The following MAVS variants were observed in gnomAD, a reference collection of about 807,000 sequenced individuals.
The protein encoded by MAVS is mitochondrial antiviral-signaling protein.
Under a neutral mutation model 30.2 loss-of-function variants are expected in MAVS, and 20 were observed. The ratio of observed to expected loss-of-function variants is 0.66; its 90% confidence interval spans 0.47 to 0.96. The LOEUF (loss-of-function observed/expected upper bound fraction) is 0.96. MAVS is among the 40% of genes least tolerant of loss of function. MAVS has a pLI of 0.00. For missense variants in MAVS, 624 were observed against 701.1 expected, an observed-to-expected ratio of 0.89 and a Z score of 1.24; for synonymous variants, 278 against 293.9, an observed-to-expected ratio of 0.95 and a Z score of 0.55.
At chr20:3,858,735 C>G (rs974591150) in intron 3 of MAVS, among the ~76,000 whole-genome samples, 1 of 150,422 alleles carries the variant, frequency 6.6e-6, no homozygotes, top group African/African-American at 2.4e-5. Flanking sequence ...CTAGAGGTAA[C>G]CCCCGAGACC....
chr20:3,856,567 G>A lies in MAVS; in HGVS notation c.118-1068G>A, dbSNP rs538674636. 2.0e-5 allele frequency among the ~76,000 whole-genome samples: 3 copies of A among 151,688 alleles called. No homozygotes were observed. In the East Asian group the frequency reaches 5.9e-4, roughly 30 times the overall value. On this transcript the variant is annotated intron_variant, in intron 2 of 6. Transcript: ENST00000428216. ...GACTTTCACCATGTTGGTCAGGCTG[G>A]TCTTGAACTCCTGACCTTGTGATCC...
At chr20:3,859,430 C>T (rs958123848) in intron 3 of MAVS, among the ~76,000 whole-genome samples, 7 of 151,340 alleles carry the variant, frequency 4.6e-5, no homozygotes, top group African/African-American at 9.7e-5. Context: ...ATTGCTTGAA[C>T]CGGGGAGGTG....
At chr20:3,852,010 C>CTTTTTTTTTTTTTTTTTTTTTTT (rs1568531967) in intron 1 of MAVS, among the ~76,000 whole-genome samples, 7 of 39,438 alleles carry the variant, frequency 1.8e-4, no homozygotes, top group African/African-American at 9.2e-4. Context: ...TTTTTTTTCC[C>CTTTTTTTTTTTTTTTTTTTTTTT]CCGAGACGGA....
intron 1 of MAVS, among the ~76,000 whole-genome samples, chr20:3,852,523 T>C (rs1314136020): frequency 6.6e-6 from 1 of 152,066 alleles, no homozygotes; most frequent in Admixed American, 6.6e-5. Context: ...TTGAGGGCCT[T>C]AGAGCCAGGA....
intron 1 of MAVS, among the ~76,000 whole-genome samples, chr20:3,847,972 C>T (rs372311761): frequency 1.3e-5 from 2 of 152,208 alleles, no homozygotes; most frequent in African/African-American, 4.8e-5. Flanking sequence ...CAAATGTGGG[C>T]TTCCTTTCCT....
At chr20:3,854,516 A>AC (rs1191974083) in intron 1 of MAVS, 42 bp from the exon 2 acceptor site, 17 of 634,606 alleles carry the variant, frequency 2.7e-5, no homozygotes, top group Non-Finnish European at 2.7e-6. Context: ...CCCACTCCCA[A>AC]CCCCCCAACC....
chr20:3,866,510 T>C lies in MAVS; in HGVS notation c.*363T>C, dbSNP rs2089910209. 2.8e-6 allele frequency: 1 copy of C among 363,490 alleles called. No homozygotes were observed. The highest frequency in any genetic ancestry group is 2.1e-5 in the African/African-American group (1 of 48,382). The allele number at this position is 363,490 out of a possible 1,614,324, so 22.5% of individuals were successfully genotyped here. ...GAGCAGGAGGGACCACTGGAACATG[T>C]GGTGCTTGGGAATGCCTCTCCTGTT... On this transcript the variant is annotated 3_prime_UTR_variant, in exon 7 of 7. Coordinates refer to ENST00000428216, the MANE Select transcript of MAVS (RefSeq NM_020746.5).
Position 3,865,758 on chromosome 20 carries a change from A to G in MAVS, c.1234A>G (p.Arg412Gly). The change falls in exon 7 of 7, where the codon AGG (arginine) becomes GGG (glycine). Residue 412 changes from arginine (R) to glycine (G), a missense_variant. Transcript: ENST00000428216. This position sits in a 1 kb window ranked among gnomAD's most constrained non-coding sequence, Gnocchi z 4.7. ...SAWLDSSSEN[R>G]GLGSELSKPG... ...CTGGCTAGACAGCAGCTCTGAGAAT[A>G]GGGGCCTTGGGTCGGAGCTGAGTAA... is the stretch of plus-strand genomic sequence containing the variant. 1 of 1,613,628 alleles carries G rather than the reference A, an allele frequency of 6.2e-7. No homozygotes were observed. The highest frequency in any genetic ancestry group is 8.5e-7 in the Non-Finnish European group (1 of 1,179,992).
chr20:3,849,989 T>C (rs1600440426), intron 1 of MAVS, among the ~76,000 whole-genome samples: 1 of 152,274 alleles, frequency 6.6e-6, no homozygotes, highest in East Asian at 1.9e-4. Context: ...CTTAAAAATT[T>C]TTAAGCTGGC....
chr20:3,854,723 C>A lies in MAVS; in HGVS notation c.99C>A (p.Cys33Ter). ...DVVEILPYLP[C>*]LTARDQDRLR... ...TAGAGATTCTGCCTTACCTGCCCTGCCTCACAGCAAGAGACCAGGTGAGCA... is the reference window on the plus strand; with the variant it reads ...TAGAGATTCTGCCTTACCTGCCCTGACTCACAGCAAGAGACCAGGTGAGCA... The change falls in exon 2 of 7, where the codon TGC (cysteine) becomes TGA (stop). Residue 33 changes from cysteine to a stop codon, truncating the protein, a stop_gained. Transcript: ENST00000428216. LOFTEE classifies it high-confidence loss of function. 1 of 1,613,252 alleles carries A rather than the reference C, an allele frequency of 6.2e-7. No homozygotes were observed. The highest frequency in any genetic ancestry group is 1.7e-5 in the Admixed American group (1 of 59,966).
rs1456591093 is a variant in MAVS at position 3,872,595 on chromosome 20, G to A, written c.*6448G>A. The stretch of plus-strand genomic sequence containing the variant: ...CAACTATCACGTGTGTGCCCAGCCA[G>A]GCTCAATGCCCCAGGCTGGGCGAGG... On this transcript the variant is annotated 3_prime_UTR_variant, in exon 7 of 7. Transcript: ENST00000428216. The A allele has an allele frequency of 6.6e-6, 1 of 152,300 alleles. No individual in the cohort carries two copies. The highest frequency in any genetic ancestry group is 2.4e-5 in the African/African-American group (1 of 41,426). 9.4% of individuals were successfully genotyped at this position (152,300 alleles called of 1,614,324 possible). A position where few individuals can be genotyped will look rare whatever the true frequency, so the allele number is the denominator to read the frequency against.
At chr20:3,854,374 G>A (rs1323003712) in intron 1 of MAVS, among the ~76,000 whole-genome samples, 184 bp from the exon 2 acceptor site, 19 of 135,580 alleles carry the variant, frequency 1.4e-4, no homozygotes, top group Admixed American at 1.2e-3. Context: ...GCAGTGAGCC[G>A]AGATTGCCCC....
chr20:3,852,432 A>T (rs2089769626), intron 1 of MAVS, among the ~76,000 whole-genome samples: 1 of 152,158 alleles, frequency 6.6e-6, no homozygotes, highest in African/African-American at 2.4e-5. Context: ...TCCGATTATT[A>T]TCATGTTGGG....
rs1392400551 is a variant in MAVS, at chr20:3,861,517, A to G, written c.465+13A>G. ...GTCCCCAGGAGAGGTCTGTCCTCAT[A>G]GTCTACCTTGAGCCACCACTTTTGT... On this transcript the variant is annotated intron_variant, in intron 4 of 6. Transcript: ENST00000428216. 8 of 1,610,524 alleles carry G rather than the reference A, an allele frequency of 5.0e-6. No individual in the cohort carries two copies. In the East Asian group the frequency reaches 1.8e-4, roughly 36 times the overall value.
chr20:3,859,824 CTT>C (rs1179691792), intron 3 of MAVS, among the ~76,000 whole-genome samples: 1 of 148,574 alleles, frequency 6.7e-6, no homozygotes, highest in Admixed American at 6.7e-5. Context: ...CTTGTCACTC[CTT>C]TTTTTTTTGA....
intron 1 of MAVS, among the ~76,000 whole-genome samples, chr20:3,849,062 C>T (rs1171071555): frequency 3.3e-5 from 5 of 152,142 alleles, no homozygotes; most frequent in Non-Finnish European, 7.3e-5. Flanking sequence ...AAATCAGATC[C>T]TCTTCTTTCC....
chr20:3,848,855 A>G (rs570675773), intron 1 of MAVS, among the ~76,000 whole-genome samples: 1 of 152,234 alleles, frequency 6.6e-6, no homozygotes, highest in South Asian at 2.1e-4. Flanking sequence ...CCAGTGCCCA[A>G]GGAGTCATGC....
chr20:3,858,888 C>T (rs959777762), intron 3 of MAVS, among the ~76,000 whole-genome samples: 1 of 151,626 alleles, frequency 6.6e-6, no homozygotes, highest in Non-Finnish European at 1.5e-5. Flanking sequence ...CAGCCTTGAC[C>T]TCCTGGACTC....
rs1254463203 is a variant in MAVS, at chr20:3,864,652, T to C, written c.1022T>C (p.Leu341Pro). The change falls in exon 6 of 7, where the codon CTC (leucine) becomes CCC (proline). Residue 341 changes from leucine to proline, a missense_variant. Coordinates refer to ENST00000428216, the MANE Select transcript of MAVS (RefSeq NM_020746.5). ...KPPGAVPSNALTNPAPSKLPI... is the reference protein window; with the variant it reads ...KPPGAVPSNAPTNPAPSKLPI... ...CCTGGTGCAGTGCCTTCTAATGCGCTCACCAATCCAGCACCATCCAAATTG... is the reference window on the plus strand; with the variant it reads ...CCTGGTGCAGTGCCTTCTAATGCGCCCACCAATCCAGCACCATCCAAATTG... 6.2e-7 allele frequency: 1 copy of C among 1,614,188 alleles called. No individual in the cohort carries two copies. The highest frequency in any genetic ancestry group is 1.1e-5 in the South Asian group (1 of 91,088).
Sources: allele counts gnomAD v4.1 joint callset (sites outside exome capture counted in the v4.1 genomes callset), GRCh38; gene constraint gnomAD v4.1.1; non-coding constraint Gnocchi (gnomAD v3.1); transcripts MANE v1.5; gene names NCBI Gene and HGNC (gene_info 2026-07-23, HGNC 2026-07-21).